LMBRD2: variants seen among roughly 807,000 people sequenced by gnomAD.
LMBRD2 encodes the protein G protein-coupled receptor-associated protein LMBRD2.
LMBRD2 carries 55 observed loss-of-function variants against 94.4 expected under a neutral mutation model. The observed-to-expected ratio is 0.58, with a 90% CI of 0.47 to 0.73. LMBRD2 has a LOEUF of 0.73. LMBRD2 is among the 30% of genes least tolerant of loss of function. The pLI, the probability that LMBRD2 is intolerant of heterozygous loss-of-function variation, is 0.00. For missense variants in LMBRD2, 640 were observed against 831.9 expected (o/e 0.77, Z 2.84); for synonymous variants, 246 against 272.4 (o/e 0.90, Z 0.95).
At chr5:36,136,032 AG>A (rs1336839793) in intron 6 of LMBRD2, among the ~76,000 whole-genome samples, 4 of 152,234 alleles carry the variant, frequency 2.6e-5, no homozygotes, top group Non-Finnish European at 5.9e-5. Context: ...AAAATTAAAG[AG>A]GGTACTATTA....
rs372766424 is a variant in LMBRD2 at position 36,106,508 on chromosome 5, CG to C, written c.1898-1312del. Among the ~76,000 whole-genome samples, 23 of 132,854 alleles carry C rather than the reference CG, an allele frequency of 1.7e-4. 1 individual carries two copies. The highest frequency in any genetic ancestry group is 2.2e-4 in the East Asian group (1 of 4,644). The allele number at this position is 132,854 out of a possible 152,430, so 87.2% of individuals were successfully genotyped here. ...TCAAAATCCCAACTTTTTTTTCTTT[CG>C]TTTTTTTTTTTTTTTTTTTTGATGG... is the stretch of plus-strand genomic sequence containing the variant. On this transcript the variant is annotated intron_variant, in intron 16 of 17. Transcript: ENST00000296603.
rs780162224 is a variant in LMBRD2 at position 36,142,587 on chromosome 5, G to A, written c.187C>T (p.Arg63Trp). The A allele has an allele frequency of 6.2e-7, 1 of 1,603,720 alleles. No individual in the cohort carries two copies. The highest frequency in any genetic ancestry group is 1.1e-5 in the South Asian group (1 of 90,844). The change falls in exon 3 of 18, where the codon CGG (arginine) becomes TGG (tryptophan). Residue 63 changes from arginine to tryptophan, a missense_variant. Physicochemically the swap from Arg to Trp is moderately radical, Grantham distance 101 (BLOSUM62 -3). This residue lies in a region of LMBRD2 where 457 missense variants were observed against 642.8 expected (regional missense o/e 0.71). Transcript: ENST00000296603. The stretch of plus-strand genomic sequence containing the variant: ...GAATTTGCAGCAGCATGCTTGCACC[G>A]GTTGTATATTGTCTAAAGCAACGAA... ...PLDVSTTIYN[R>W]CKHAAANSSP...
At chr5:36,107,059 A>G (rs1314305630) in intron 16 of LMBRD2, among the ~76,000 whole-genome samples, 2 of 152,182 alleles carry the variant, frequency 1.3e-5, no homozygotes, top group African/African-American at 2.4e-5. Flanking sequence ...CTTTCCTAAG[A>G]TAAGCCCTCT....
Position 36,103,142 on chromosome 5 carries a change from GT to G in LMBRD2, c.*903del, listed in dbSNP as rs1437313576. 2 of 151,920 alleles carry G rather than the reference GT, an allele frequency of 1.3e-5. No homozygotes were observed. Among genetic ancestry groups the G allele is most frequent in the East Asian group, 1.9e-4 (1 of 5,154 alleles). 9.4% of individuals were successfully genotyped at this position (151,920 alleles called of 1,614,324 possible). A position where few individuals can be genotyped will look rare whatever the true frequency, so the allele number is the denominator to read the frequency against. ...TTCACTTTTTACCTTTGAATAACCAGTTTTTTTCTCAAAAAGTATAAGCAGG... is the reference window on the plus strand; with the variant it reads ...TTCACTTTTTACCTTTGAATAACCAGTTTTTTCTCAAAAAGTATAAGCAGG... On this transcript the variant is annotated 3_prime_UTR_variant, in exon 18 of 18. Coordinates refer to ENST00000296603, the MANE Select transcript of LMBRD2 (RefSeq NM_001007527.2).
intron 6 of LMBRD2, among the ~76,000 whole-genome samples, chr5:36,132,613 GA>G (rs1025081952): frequency 1.1e-5 from 1 of 92,498 alleles, no homozygotes; most frequent in African/African-American, 4.3e-5. Context: ...AACTCCATGA[GA>G]AAAAAAATTT....
chr5:36,148,625 C>A (rs1011972853), intron 1 of LMBRD2, among the ~76,000 whole-genome samples: 1 of 152,030 alleles, frequency 6.6e-6, no homozygotes, highest in Non-Finnish European at 1.5e-5. Flanking sequence ...CAAATTAGAC[C>A]TCACAACCTA....
chr5:36,139,216 C>G (rs567884723), intron 4 of LMBRD2, among the ~76,000 whole-genome samples: 1 of 152,372 alleles, frequency 6.6e-6, no homozygotes, highest in East Asian at 1.9e-4. Context: ...AATCCAGGCA[C>G]TGTTGTAACC....
At chr5:36,135,082 G>A (rs1744239145) in intron 6 of LMBRD2, among the ~76,000 whole-genome samples, 1 of 152,096 alleles carries the variant, frequency 6.6e-6, no homozygotes, top group African/African-American at 2.4e-5. Context: ...CAATGACAGA[G>A]TAGTTGCAAT....
chr5:36,147,300 T>C (rs1180832774), intron 1 of LMBRD2, among the ~76,000 whole-genome samples: 2 of 152,130 alleles, frequency 1.3e-5, no homozygotes, highest in African/African-American at 2.4e-5. Flanking sequence ...TCTTTAACCT[T>C]GTGCCAACAT....
Position 36,136,353 on chromosome 5 carries a change from T to C in LMBRD2, c.703A>G (p.Thr235Ala). 6.2e-7 allele frequency: 1 copy of C among 1,614,112 alleles called. No individual in the cohort carries two copies. The highest frequency in any genetic ancestry group is 1.1e-5 in the South Asian group (1 of 91,088). Residue 235 changes from threonine to alanine, a missense_variant, in exon 6 of 18, where the codon ACA becomes GCA. Thr to Ala is a moderately conservative substitution (Grantham distance 58). This residue lies in a region of LMBRD2 where 457 missense variants were observed against 642.8 expected (regional missense o/e 0.71). Transcript: ENST00000296603. ...TTCTCTTCTGCATCTGCTTTCTCTG[T>C]CATCAGTTTGGCTGCCTTAAAATAC... is the stretch of plus-strand genomic sequence containing the variant. ...KTYFKAAKLM[T>A]EKADAEENLE...
chr5:36,104,068 C>T lies in LMBRD2; in HGVS notation c.2066G>A (p.Ser689Asn). The change falls in exon 18 of 18, where the codon AGT (serine) becomes AAT (asparagine). Residue 689 changes from serine to asparagine, a missense_variant. Transcript: ENST00000296603. ...PGGRYLSMSRSDIFNDV is the reference protein window; with the variant it reads ...PGGRYLSMSRNDIFNDV ...ACTTTAAACATCATTAAATATGTCA[C>T]TGCGAGACATCGAGAGATATCGTCC... is the stretch of plus-strand genomic sequence containing the variant. 6.2e-7 allele frequency: 1 copy of T among 1,610,566 alleles called. No individual in the cohort carries two copies. Among genetic ancestry groups the T allele is most frequent in the Middle Eastern group, 1.7e-4 (1 of 6,048 alleles).
chr5:36,126,930 A>C (rs1278385054), intron 6 of LMBRD2, among the ~76,000 whole-genome samples: 1 of 152,242 alleles, frequency 6.6e-6, no homozygotes, highest in Non-Finnish European at 1.5e-5. Context: ...ATTTGGTTTT[A>C]AAACTTCCTG....
chr5:36,137,986 G>A (rs1254333302), intron 4 of LMBRD2, among the ~76,000 whole-genome samples: 3 of 152,184 alleles, frequency 2.0e-5, no homozygotes, highest in Non-Finnish European at 4.4e-5. Flanking sequence ...CTGTAAGAAT[G>A]AGTATGGAGA....
At chr5:36,122,028 A>T (rs1317823635) in intron 9 of LMBRD2, among the ~76,000 whole-genome samples, 3 of 152,202 alleles carry the variant, frequency 2.0e-5, no homozygotes, top group Admixed American at 1.3e-4. Flanking sequence ...ATTATAAAAA[A>T]TATGCTTGAT....
At chr5:36,148,091 A>G (rs1022865829) in intron 1 of LMBRD2, 9 of 199,520 alleles carry the variant, frequency 4.5e-5, no homozygotes, top group Admixed American at 6.1e-5. Context: ...AACCAGAATT[A>G]GAAGTGAATG....
chr5:36,103,088 T>C lies in LMBRD2; in HGVS notation c.*958A>G, dbSNP rs1221680009. On this transcript the variant is annotated 3_prime_UTR_variant, in exon 18 of 18. Transcript: ENST00000296603. ...TAGTTTTGTTTTCTATAAACCACGA[T>C]TTAAGTATCAGTAATAACAGTAAAT... 1 of 152,242 alleles carries C rather than the reference T, an allele frequency of 6.6e-6. No homozygotes were observed. Among genetic ancestry groups the C allele is most frequent in the Non-Finnish European group, 1.5e-5 (1 of 67,792 alleles). 9.4% of individuals were successfully genotyped at this position (152,242 alleles called of 1,614,324 possible). A position where few individuals can be genotyped will look rare whatever the true frequency, so the allele number is the denominator to read the frequency against.
intron 15 of LMBRD2, among the ~76,000 whole-genome samples, chr5:36,109,184 T>A (rs867483489): frequency 5.3e-5 from 8 of 152,138 alleles, no homozygotes; most frequent in Non-Finnish European, 1.2e-4. Flanking sequence ...TTCCATGCAG[T>A]GCAGGGTCTC....
chr5:36,100,060 AG>A lies in LMBRD2; in HGVS notation c.*3985del, dbSNP rs1208265062. The A allele has an allele frequency of 6.6e-6, 1 of 152,098 alleles. No individual in the cohort carries two copies. Among genetic ancestry groups the A allele is most frequent in the South Asian group, 2.1e-4 (1 of 4,828 alleles). 9.4% of individuals were successfully genotyped at this position (152,098 alleles called of 1,614,324 possible). A position where few individuals can be genotyped will look rare whatever the true frequency, so the allele number is the denominator to read the frequency against. On this transcript the variant is annotated 3_prime_UTR_variant, in exon 18 of 18. Coordinates refer to ENST00000296603, the MANE Select transcript of LMBRD2 (RefSeq NM_001007527.2). ...CAAGTCTCTGGGCAAAAAGTCACTG[AG>A]TTGGAAAGAAGTACCTCATACAGAT...
intron 9 of LMBRD2, among the ~76,000 whole-genome samples, chr5:36,120,510 C>T (rs565084886): frequency 5.9e-5 from 9 of 152,256 alleles, no homozygotes; most frequent in African/African-American, 1.9e-4. Flanking sequence ...CTGCCCGCCT[C>T]GGCCTCCCAA....
Sources: gnomAD v4.1 joint callset for allele counts (sites outside exome capture counted in the v4.1 genomes callset) on GRCh38, gnomAD v4.1.1 for gene constraint, gnomAD v4.1.1 regional missense constraint, MANE v1.5 for transcripts, NCBI Gene and HGNC (gene_info 2026-07-23, HGNC 2026-07-21) for gene names.